Variants in CEP120 observed in about 807,000 individuals in gnomAD.
CEP120 encodes centrosomal protein of 120 kDa.
CEP120 carries 113 observed loss-of-function variants against 126.5 expected under a neutral mutation model. The observed-to-expected ratio is 0.89, with a 90% CI of 0.77 to 1.04. The LOEUF is 1.04. CEP120 is among the 50% of genes least tolerant of loss of function. The probability of loss-of-function intolerance (pLI) is 0.00; values close to 1 mark genes in which losing one functional copy is unlikely to be tolerated. For missense variants in CEP120, 1,230 were observed against 1,155.7 expected (o/e 1.06, Z -0.93); for synonymous variants, 400 against 394.3 (o/e 1.01, Z -0.17).
intron 4 of CEP120, among the ~76,000 whole-genome samples, chr5:123,410,134 T>C (rs573071481): frequency 1.3e-5 from 2 of 152,222 alleles, no homozygotes; most frequent in East Asian, 3.9e-4. Context: ...AGAATTCGTA[T>C]ATAAATCTAA....
At chr5:123,388,821 A>G (rs1216054624) in intron 8 of CEP120, among the ~76,000 whole-genome samples, 3 of 152,224 alleles carry the variant, frequency 2.0e-5, no homozygotes, top group Non-Finnish European at 2.9e-5. Context: ...GTGTGAAAAA[A>G]GAGCTTACTC....
At chr5:123,361,366 C>G (rs1770067638) in intron 18 of CEP120, among the ~76,000 whole-genome samples, 1 of 151,782 alleles carries the variant, frequency 6.6e-6, no homozygotes, top group Admixed American at 6.6e-5. Context: ...TTCTAAGTAT[C>G]AGTCCTCCTA....
chr5:123,347,987 G>A (rs980300143), intron 19 of CEP120, among the ~76,000 whole-genome samples: 7 of 152,026 alleles, frequency 4.6e-5, no homozygotes, highest in Non-Finnish European at 1.0e-4. Context: ...AAAGTGTGTT[G>A]CACAGTGGTA....
At chr5:123,418,580 G>T in intron 1 of CEP120, 65 bp from the exon 2 acceptor site, 3 of 1,304,048 alleles carry the variant, frequency 2.3e-6, no homozygotes, top group South Asian at 1.8e-5. Context: ...CATTTACCAT[G>T]TGTTTTTTTG....
At chr5:123,399,899 G>C (rs1773061489) in intron 4 of CEP120, among the ~76,000 whole-genome samples, 1 of 152,122 alleles carries the variant, frequency 6.6e-6, no homozygotes, top group Non-Finnish European at 1.5e-5. Flanking sequence ...TAATCAAATA[G>C]GCTTTAGTAT....
At chr5:123,365,863 T>C (rs1580653218) in intron 17 of CEP120, among the ~76,000 whole-genome samples, 1 of 151,414 alleles carries the variant, frequency 6.6e-6, no homozygotes, top group South Asian at 2.1e-4. Flanking sequence ...GAAGGTCTAG[T>C]ATATTAGATG....
chr5:123,400,583 T>G (rs894955067), intron 4 of CEP120, among the ~76,000 whole-genome samples: 5 of 149,310 alleles, frequency 3.3e-5, no homozygotes, highest in South Asian at 2.1e-4. Context: ...TACATATATA[T>G]AGAGCAGCAT....
chr5:123,407,859 C>T (rs983013317), intron 4 of CEP120, among the ~76,000 whole-genome samples: 1 of 152,136 alleles, frequency 6.6e-6, no homozygotes, highest in African/African-American at 2.4e-5. Flanking sequence ...AGAACCGTGT[C>T]TGCTGTCAGG....
At chr5:123,396,256 A>G (rs1036410906) in intron 5 of CEP120, among the ~76,000 whole-genome samples, 4 of 152,174 alleles carry the variant, frequency 2.6e-5, no homozygotes, top group African/African-American at 9.7e-5. Flanking sequence ...GTATTGCTAT[A>G]AACACTCACA....
intron 5 of CEP120, among the ~76,000 whole-genome samples, chr5:123,398,302 C>T (rs929749178): frequency 1.5e-4 from 23 of 152,162 alleles, no homozygotes; most frequent in African/African-American, 4.8e-4. Context: ...TGTGTTGAGC[C>T]GCTGTTGGGA....
chr5:123,351,031 T>A (rs980429483), intron 18 of CEP120, among the ~76,000 whole-genome samples: 2 of 152,180 alleles, frequency 1.3e-5, no homozygotes, highest in East Asian at 3.8e-4. Flanking sequence ...CCTGAGTCAA[T>A]AGGTTTTTGT....
At chr5:123,396,462 T>C (rs1036378395) in intron 5 of CEP120, among the ~76,000 whole-genome samples, 1 of 152,082 alleles carries the variant, frequency 6.6e-6, no homozygotes, top group Non-Finnish European at 1.5e-5. Flanking sequence ...CAGTAATTTG[T>C]CCCAGTAATT....
At chr5:123,389,693 T>G (rs897890381) in intron 8 of CEP120, among the ~76,000 whole-genome samples, 1 of 152,138 alleles carries the variant, frequency 6.6e-6, no homozygotes, top group Non-Finnish European at 1.5e-5. Context: ...AGAGACGGGA[T>G]TTCTCTACCT....
chr5:123,382,045 A>G (rs1771682279), intron 14 of CEP120, 66 bp downstream of exon 14: 1 of 1,121,710 alleles, frequency 8.9e-7, no homozygotes, highest in Non-Finnish European at 1.3e-6. Context: ...ACTGTCTTTA[A>G]CGCAAATACA....
chr5:123,423,341 G>C lies in CEP120; in HGVS notation c.-343C>G. The C allele has an allele frequency of 2.9e-6, 1 of 345,688 alleles. No homozygotes were observed. The highest frequency in any genetic ancestry group is 5.3e-6 in the Non-Finnish European group (1 of 187,972). 21.4% of individuals were successfully genotyped at this position (345,688 alleles called of 1,614,324 possible). A position where few individuals can be genotyped will look rare whatever the true frequency, so the allele number is the denominator to read the frequency against. ...GGGCGGCCGCAGCGGCCGCCGCCGCGCCCAGCTTCCGCCTAGCAACCAGGC... is the reference window on the plus strand; with the variant it reads ...GGGCGGCCGCAGCGGCCGCCGCCGCCCCCAGCTTCCGCCTAGCAACCAGGC... On this transcript the variant is annotated 5_prime_UTR_variant, in exon 1 of 20. Coordinates refer to ENST00000306467, the MANE Select transcript of CEP120 (RefSeq NM_001375405.1).
chr5:123,406,912 G>T (rs1201568712), intron 4 of CEP120, among the ~76,000 whole-genome samples: 1 of 151,706 alleles, frequency 6.6e-6, no homozygotes, highest in Non-Finnish European at 1.5e-5. Flanking sequence ...GTATGCTGAG[G>T]TATAACTGAA....
At chr5:123,400,903 G>T in intron 4 of CEP120, 5 of 1,432,856 alleles carry the variant, frequency 3.5e-6, no homozygotes, top group Non-Finnish European at 3.9e-6. Flanking sequence ...AGGCTGGGAG[G>T]GGCTGCCACA....
rs78663110 is a variant in CEP120 at position 123,400,501 on chromosome 5, G to C, written c.464-1217C>G. On this transcript the variant is annotated intron_variant, in intron 4 of 19. Transcript: ENST00000306467. The stretch of plus-strand genomic sequence containing the variant: ...ACAAATAGGGTGAAGATGAAAACTA[G>C]AATCTTGCGGTGCTGGAATGGAATT... Among the ~76,000 whole-genome samples, 504 of 152,084 alleles carry C rather than the reference G, an allele frequency of 3.3e-3. 3 individuals carry two copies. Among genetic ancestry groups the C allele is most frequent in the African/African-American group, 0.011 (473 of 41,514 alleles).
At position 123,412,385 on chromosome 5, in the gene CEP120, G is replaced by A; in HGVS notation, c.463+14C>T. The A allele has an allele frequency of 6.3e-7, 1 of 1,589,454 alleles. No individual in the cohort carries two copies. Among genetic ancestry groups the A allele is most frequent in the Non-Finnish European group, 8.5e-7 (1 of 1,171,918 alleles). ...GAACTTCTCAGAGAATGTTTTTAGA[G>A]ATGATGCACAAACCTTTTCCATCTC... On this transcript the variant is annotated intron_variant, in intron 4 of 19. Coordinates refer to ENST00000306467, the MANE Select transcript of CEP120 (RefSeq NM_001375405.1).
Sources: allele counts gnomAD v4.1 joint callset (sites outside exome capture counted in the v4.1 genomes callset), GRCh38; gene constraint gnomAD v4.1.1; transcripts MANE v1.5; gene names NCBI Gene and HGNC (gene_info 2026-07-23, HGNC 2026-07-21).